Variants in TOP2B observed in about 807,000 individuals in gnomAD.
TOP2B encodes DNA topoisomerase 2-beta.
TOP2B carries 51 observed loss-of-function variants against 193.5 expected under a neutral mutation model. The ratio of observed to expected loss-of-function variants is 0.26; its 90% CI spans 0.21 to 0.33. TOP2B has a LOEUF of 0.33. Ranked by LOEUF, TOP2B falls within the 10% of genes least tolerant of loss-of-function variation. The pLI, the probability that TOP2B is intolerant of heterozygous loss-of-function variation, is 1.00. For missense variants in TOP2B, 1,378 were observed against 1,909.3 expected (o/e 0.72, Z 5.19); for synonymous variants, 634 against 635.7 (o/e 1.00, Z 0.04).
intron 21 of TOP2B, among the ~76,000 whole-genome samples, chr3:25,622,725 C>G (rs535466866): frequency 1.3e-5 from 2 of 151,722 alleles, no homozygotes; most frequent in Admixed American, 6.6e-5. Context: ...ACCGCAACCT[C>G]CACCTCCTGG....
chr3:25,632,829 T>C, intron 8 of TOP2B, 35 bp from the exon 9 acceptor site: 1 of 1,566,794 alleles, frequency 6.4e-7, no homozygotes. Context: ...TCTGAAATCC[T>C]GTATTGTTAA....
At chr3:25,658,817 G>C (rs981927771) in intron 1 of TOP2B, among the ~76,000 whole-genome samples, 1 of 152,158 alleles carries the variant, frequency 6.6e-6, no homozygotes, top group Non-Finnish European at 1.5e-5. Context: ...CTATTTTTCA[G>C]AACGACTATA....
chr3:25,651,731 G>C (rs1011215368), intron 1 of TOP2B, among the ~76,000 whole-genome samples: 1 of 152,118 alleles, frequency 6.6e-6, no homozygotes, highest in Admixed American at 6.6e-5. Context: ...GCCAGGCATG[G>C]TGGCAGCCAC....
At position 25,664,370 on chromosome 3, in the gene TOP2B, C is replaced by T. The variant is rs956853914; in HGVS notation, c.-73G>A. On this transcript the variant is annotated 5_prime_UTR_variant, in exon 1 of 36. Transcript: ENST00000264331. Reference sequence around the variant, plus strand: ...CGCCTCCCTGCGGGCCGCTGGGCCCCGCCGCTCCGCACCCACCGCTCCACT... The same window carrying T: ...CGCCTCCCTGCGGGCCGCTGGGCCCTGCCGCTCCGCACCCACCGCTCCACT... 17 of 1,379,420 alleles carry T rather than the reference C, an allele frequency of 1.2e-5. No individual in the cohort carries two copies. The highest frequency in any genetic ancestry group is 1.4e-5 in the Non-Finnish European group (15 of 1,078,574). The allele number at this position is 1,379,420 out of a possible 1,614,324, so 85.4% of individuals were successfully genotyped here.
intron 7 of TOP2B, among the ~76,000 whole-genome samples, chr3:25,635,451 A>G (rs1275004543): frequency 6.6e-6 from 1 of 152,240 alleles, no homozygotes; most frequent in East Asian, 1.9e-4. Flanking sequence ...ACAATTAATT[A>G]GTATGTTAAA....
At chr3:25,661,634 T>A (rs948426998) in intron 1 of TOP2B, among the ~76,000 whole-genome samples, 1 of 152,200 alleles carries the variant, frequency 6.6e-6, no homozygotes, top group Non-Finnish European at 1.5e-5. Context: ...AGCTTTGCCA[T>A]GTTTATATTT....
chr3:25,629,204 T>A, intron 13 of TOP2B, 59 bp from the exon 14 acceptor site: 1 of 1,238,604 alleles, frequency 8.1e-7, no homozygotes, highest in Non-Finnish European at 1.1e-6. Context: ...TGATTACTTA[T>A]ATAAACAAAT....
chr3:25,644,120 T>C (rs1453209836), intron 2 of TOP2B, among the ~76,000 whole-genome samples: 2 of 151,116 alleles, frequency 1.3e-5, no homozygotes, highest in African/African-American at 4.9e-5. Flanking sequence ...TTTTTTATAA[T>C]ACAGGGAGCA....
rs562719688 is a variant in TOP2B at position 25,598,242 on chromosome 3, GAGAC to G, written c.*61_*64del. ...AAATAAGCCAGATGTACAAAAGTCT[GAGAC>G]AGAGAAGACAAAAGGACAACACAAG... On this transcript the variant is annotated 3_prime_UTR_variant, in exon 36 of 36. Coordinates refer to ENST00000264331, the MANE Select transcript of TOP2B (RefSeq NM_001330700.2). The G allele has an allele frequency of 1.9e-5, 28 of 1,496,734 alleles. No individual in the cohort carries two copies. Among genetic ancestry groups the G allele is most frequent in the Middle Eastern group, 1.9e-4 (1 of 5,354 alleles). The allele number at this position is 1,496,734 out of a possible 1,614,324, so 92.7% of individuals were successfully genotyped here. A position where few individuals can be genotyped will look rare whatever the true frequency, so the allele number is the denominator to read the frequency against.
At chr3:25,598,547 C>CTT in intron 35 of TOP2B, 70 bp from the exon 36 acceptor site, 1 of 1,225,618 alleles carries the variant, frequency 8.2e-7, no homozygotes, top group Non-Finnish European at 1.1e-6. Context: ...ACTATCACTC[C>CTT]TTAAACTTCG....
chr3:25,663,574 G>A (rs1331734069), intron 1 of TOP2B, among the ~76,000 whole-genome samples: 1 of 152,076 alleles, frequency 6.6e-6, no homozygotes, highest in Non-Finnish European at 1.5e-5. Context: ...CATCCATTCA[G>A]CCCTCACCCC....
chr3:25,602,419 A>AGG (rs1559490138), intron 33 of TOP2B, among the ~76,000 whole-genome samples: 6 of 127,378 alleles, frequency 4.7e-5, no homozygotes, highest in East Asian at 2.5e-4. Context: ...AGAAAAAGAA[A>AGG]AAAAAAAAAC....
chr3:25,636,893 T>C (rs1170146417), intron 6 of TOP2B, among the ~76,000 whole-genome samples: 4 of 152,022 alleles, frequency 2.6e-5, no homozygotes, highest in Non-Finnish European at 2.9e-5. Flanking sequence ...GATGATTCAT[T>C]GAGGAATTTT....
At position 25,598,380 on chromosome 3, in the gene TOP2B, G is replaced by A; in HGVS notation, c.4808C>T (p.Ala1603Val). The A allele has an allele frequency of 1.2e-6, 2 of 1,613,388 alleles. No homozygotes were observed. Among genetic ancestry groups the A allele is most frequent in the Non-Finnish European group, 1.7e-6 (2 of 1,179,584 alleles). The part of the protein sequence containing the change: ...EPPSLPRTGR[A>V]RKEVKYFAES... The stretch of plus-strand genomic sequence containing the variant: ...TGCAAAATATTTTACTTCTTTCCTA[G>A]CCCGACCGGTTCGTGGCAGAGAAGG... The change falls in exon 36 of 36, where the codon GCT becomes GTT. Residue 1603 changes from alanine to valine, a missense_variant. Coordinates refer to ENST00000264331, the MANE Select transcript of TOP2B (RefSeq NM_001330700.2).
chr3:25,633,857 CT>C lies in TOP2B; in HGVS notation c.1009del (p.Ser337ValfsTer15), dbSNP rs1703028412. The C allele has an allele frequency of 2.5e-6, 4 of 1,610,902 alleles. No homozygotes were observed. The highest frequency in any genetic ancestry group is 3.4e-6 in the Non-Finnish European group (4 of 1,178,630). On this transcript the variant is annotated frameshift_variant, in exon 8 of 36. Coordinates refer to ENST00000264331, the MANE Select transcript of TOP2B (RefSeq NM_001330700.2). LOFTEE classifies it high-confidence loss of function. ...CTTACTTACTTTTGTAGTTGCAATACTATTTACAAAGCTGATTTGCTGGAAT... is the reference window on the plus strand; with the variant it reads ...CTTACTTACTTTTGTAGTTGCAATACATTTACAAAGCTGATTTGCTGGAAT... ...KGFQQISFVNSIATTKGGRHV... is the reference protein window; with the variant it reads ...KGFQQISFVNXIATTKGGRHV...
At chr3:25,647,487 C>T (rs948936116) in intron 1 of TOP2B, among the ~76,000 whole-genome samples, 43 of 151,940 alleles carry the variant, frequency 2.8e-4, no homozygotes, top group African/African-American at 9.2e-4. Flanking sequence ...TAAAAGCTTT[C>T]GTATTCCAGG....
rs1559495248 is a variant in TOP2B at position 25,615,302 on chromosome 3, G to GTA, written c.3508-16_3508-15dup. 1 of 1,600,342 alleles carries GTA rather than the reference G, an allele frequency of 6.2e-7. No individual in the cohort carries two copies. The highest frequency in any genetic ancestry group is 1.7e-5 in the Admixed American group (1 of 57,458). The stretch of plus-strand genomic sequence containing the variant: ...GACCTCTCGCCCCTATAATAAAAAA[G>GTA]TACAGTTTAAACATTCAATAGTTTT... On this transcript the variant is annotated splice_polypyrimidine_tract_variant and intron_variant, in intron 26 of 35. Coordinates refer to ENST00000264331, the MANE Select transcript of TOP2B (RefSeq NM_001330700.2).
intron 20 of TOP2B, 90 bp from the exon 21 acceptor site, chr3:25,623,836 A>G: frequency 1.3e-6 from 1 of 788,064 alleles, no homozygotes; most frequent in Non-Finnish European, 2.0e-6. Flanking sequence ...CACTGCAAAA[A>G]CAAATCTTTT....
intron 33 of TOP2B, among the ~76,000 whole-genome samples, chr3:25,602,418 A>AAAAAAAAG (rs1702124408): frequency 1.9e-5 from 2 of 105,042 alleles, no homozygotes; most frequent in Non-Finnish European, 1.9e-5. Context: ...AAGAAAAAGA[A>AAAAAAAAG]AAAAAAAAAA....
Sources: allele counts gnomAD v4.1 joint callset (sites outside exome capture counted in the v4.1 genomes callset), GRCh38; gene constraint gnomAD v4.1.1; transcripts MANE v1.5; gene names NCBI Gene and HGNC (gene_info 2026-07-23, HGNC 2026-07-21).